Variants in COL17A1 observed in about 807,000 individuals in gnomAD.
COL17A1 encodes the protein collagen type XVII alpha 1 chain, also known as collagen alpha-1(XVII) chain.
Under a neutral mutation model 218.4 loss-of-function variants are expected in COL17A1, and 181 were observed. The ratio of observed to expected loss-of-function variants is 0.83; its 90% CI spans 0.73 to 0.94. The LOEUF (loss-of-function observed/expected upper bound fraction) is 0.94, where lower values mean the gene tolerates loss of function less well. Ranked by LOEUF, COL17A1 falls within the 40% of genes least tolerant of loss-of-function variation. The pLI is 0.00. For synonymous variants in COL17A1, 721 were observed against 731.0 expected, an observed-to-expected ratio of 0.99 and a Z score of 0.22; for missense variants, 1,924 against 1,945.9, an observed-to-expected ratio of 0.99 and a Z score of 0.21.
intron 45 of COL17A1, 147 bp from the exon 46 acceptor site, chr10:104,037,920 T>G: frequency 1.1e-6 from 1 of 889,686 alleles, no homozygotes; most frequent in Non-Finnish European, 1.6e-6. Flanking sequence ...AGACTTCCCC[T>G]CACTGTCCTT....
intron 47 of COL17A1, 79 bp from the exon 48 acceptor site, chr10:104,036,711 C>A: frequency 1.3e-6 from 2 of 1,551,696 alleles, no homozygotes; most frequent in East Asian, 2.3e-5. Context: ...AGCCTGGGCT[C>A]CCCTGCACAA....
At chr10:104,072,223 G>A (rs1417125900) in intron 7 of COL17A1, 144 bp from the exon 8 acceptor site, 2 of 1,266,120 alleles carry the variant, frequency 1.6e-6, no homozygotes, top group East Asian at 2.5e-5. Flanking sequence ...GTGTGCCCAA[G>A]AAGAGTGCTG....
At chr10:104,041,586 C>T (rs1194565572) in intron 36 of COL17A1, 48 bp from the exon 37 acceptor site, 1 of 1,516,898 alleles carries the variant, frequency 6.6e-7, no homozygotes, top group South Asian at 1.1e-5. Flanking sequence ...CACGAGGCTG[C>T]TCTCTGCCAC....
rs2086579828 is a variant in COL17A1, at chr10:104,061,249, T to C, written c.979+156A>G. The stretch of plus-strand genomic sequence containing the variant: ...CTCATGGAAACATCCAAGAGGCCTT[T>C]GGGGCAAGTTGCGTTTGCAGGCCTA... On this transcript the variant is annotated intron_variant, in intron 13 of 55. Coordinates refer to ENST00000648076, the MANE Select transcript of COL17A1 (RefSeq NM_000494.4). Among the ~76,000 whole-genome samples, 3 of 152,162 alleles carry C rather than the reference T, an allele frequency of 2.0e-5. No individual in the cohort carries two copies. The South Asian group carries it at 6.2e-4, about 31-fold the overall frequency.
In COL17A1 at chr10:104,038,471, C is replaced by T. The variant is rs145035375; in HGVS notation, c.3005G>A (p.Gly1002Glu). Reference protein sequence around the residue: ...SGPPGPPGPPGPPGSISSSGQ... With the variant: ...SGPPGPPGPPEPPGSISSSGQ... ...AGAGCTGCTGATAGAGCCCGGAGGC[C>T]CAGGGGGCCCAGGGGGCCCTGGCGG... is the stretch of plus-strand genomic sequence containing the variant. Residue 1002 changes from glycine (G) to glutamate (E), a missense_variant, in exon 45 of 56, where the codon GGG (glycine) becomes GAG (glutamate). Coordinates refer to ENST00000648076, the MANE Select transcript of COL17A1 (RefSeq NM_000494.4). The T allele has an allele frequency of 1.3e-5, 21 of 1,612,952 alleles. No individual in the cohort carries two copies. The highest frequency in any genetic ancestry group is 1.6e-5 in the Non-Finnish European group (19 of 1,179,514).
intron 48 of COL17A1, 60 bp downstream of exon 48, chr10:104,036,432 G>A (rs1589556902): frequency 2.5e-6 from 4 of 1,609,120 alleles, no homozygotes; most frequent in East Asian, 2.2e-5. Context: ...AGTTCACGCT[G>A]CGAGTCCTCA....
At chr10:104,081,054 T>G (rs534521044) in intron 1 of COL17A1, among the ~76,000 whole-genome samples, 1 of 152,334 alleles carries the variant, frequency 6.6e-6, no homozygotes, top group Non-Finnish European at 1.5e-5. Flanking sequence ...TCTGTCAAGG[T>G]ACTTAGTGCT....
chr10:104,069,288 G>A (rs1343522768), intron 9 of COL17A1, among the ~76,000 whole-genome samples: 4 of 152,106 alleles, frequency 2.6e-5, no homozygotes, highest in Non-Finnish European at 5.9e-5. Flanking sequence ...CAGGAATGTG[G>A]TAAAAATAAT....
At chr10:104,070,284 T>C in intron 9 of COL17A1, 142 bp downstream of exon 9, 1 of 1,518,062 alleles carries the variant, frequency 6.6e-7, no homozygotes, top group African/African-American at 1.4e-5. Context: ...GGGAAAGCCC[T>C]GTGCTAGCTG....
chr10:104,084,461 C>T (rs7911229), intron 1 of COL17A1, among the ~76,000 whole-genome samples: 21,795 of 151,984 alleles, frequency 0.14, 1,848 homozygotes, highest in South Asian at 0.21. Context: ...AGGCATGCAC[C>T]GCCACACCCA....
intron 15 of COL17A1, chr10:104,059,281 T>C (rs1389024051): frequency 6.1e-6 from 2 of 328,198 alleles, no homozygotes; most frequent in Non-Finnish European, 1.2e-5. Flanking sequence ...AGAACGCAGA[T>C]ATTTGGGAAG....
rs951520592 is a variant in COL17A1, at chr10:104,050,877, C to T, written c.2063G>A (p.Arg688Gln). The change falls in exon 26 of 56, where the codon CGA (arginine) becomes CAA (glutamine). Residue 688 changes from arginine to glutamine, a missense_variant. Physicochemically the swap from Arg to Gln is conservative, Grantham distance 43. Coordinates refer to ENST00000648076, the MANE Select transcript of COL17A1 (RefSeq NM_000494.4). ...GACACCAGGAAGTCCTACTTCACCT[C>T]GGAGCCCTTGGAGACCTACAGGACC... ...PPGPVGLQGL[R>Q]GEVGLPGVKG... 28 of 1,614,076 alleles carry T rather than the reference C, an allele frequency of 1.7e-5. No individual in the cohort carries two copies. Among genetic ancestry groups the T allele is most frequent in the Admixed American group, 6.7e-5 (4 of 60,010 alleles).
In COL17A1 at chr10:104,040,380, G is replaced by C. The variant is rs747578479; in HGVS notation, c.2732C>G (p.Pro911Arg). ...GTCTCCCTTGGGACCTGGGGGGCCA[G>C]GTGGGCCTGGGGGGCCGGAGAGGAA... is the stretch of plus-strand genomic sequence containing the variant. ...ETFLSGPPGP[P>R]GPPGPKGDQG... Residue 911 changes from proline to arginine, a missense_variant, in exon 40 of 56, where the codon CCT becomes CGT. Physicochemically the swap from Pro to Arg is moderately radical, Grantham distance 103. Coordinates refer to ENST00000648076, the MANE Select transcript of COL17A1 (RefSeq NM_000494.4). 7.3e-5 allele frequency: 117 copies of C among 1,611,280 alleles called. No homozygotes were observed. Among genetic ancestry groups the C allele is most frequent in the Non-Finnish European group, 9.7e-5 (114 of 1,177,616 alleles).
At chr10:104,073,184 G>A (rs764992428) in intron 7 of COL17A1, 26 bp downstream of exon 7, 6 of 1,607,426 alleles carry the variant, frequency 3.7e-6, no homozygotes, top group Non-Finnish European at 5.1e-6. Flanking sequence ...TGAATGAATT[G>A]GACTGAACCC....
At chr10:104,050,815 C>T (rs2086461731) in intron 26 of COL17A1, 33 bp downstream of exon 26, 3 of 1,614,176 alleles carry the variant, frequency 1.9e-6, no homozygotes, top group Middle Eastern at 1.6e-4. Flanking sequence ...CCATCAGACC[C>T]TCACTGTCCC....
At position 104,076,415 on chromosome 10, in the gene COL17A1, C is replaced by T; in HGVS notation, c.217G>A (p.Gly73Ser). The stretch of plus-strand genomic sequence containing the variant: ...CTGTAACTAGAGGTGGAGGCATGGC[C>T]TCGTGTGCTTCCAGCTGCAAGAGGG... Reference protein sequence around the residue: ...GYINSTGSTRGHASTSSYRRA... With the variant: ...GYINSTGSTRSHASTSSYRRA... Residue 73 changes from glycine to serine, a missense_variant, in exon 5 of 56, where the codon GGC becomes AGC. Gly to Ser is a moderately conservative substitution (Grantham distance 56, BLOSUM62 0). Transcript: ENST00000648076. 1.2e-6 allele frequency: 2 copies of T among 1,614,130 alleles called. No individual in the cohort carries two copies. The highest frequency in any genetic ancestry group is 1.1e-5 in the South Asian group (1 of 91,082).
intron 35 of COL17A1, 86 bp from the exon 36 acceptor site, chr10:104,042,541 G>A: frequency 1.4e-6 from 2 of 1,398,158 alleles, no homozygotes; most frequent in South Asian, 2.3e-5. Context: ...CCCAAGGCAT[G>A]GAACAGAGAC....
chr10:104,066,963 C>T (rs911021773), intron 9 of COL17A1, among the ~76,000 whole-genome samples: 6 of 152,150 alleles, frequency 3.9e-5, no homozygotes, highest in African/African-American at 1.2e-4. Flanking sequence ...GGAAAATCTC[C>T]TCGGTGTAGC....
chr10:104,062,294 T>A lies in COL17A1; in HGVS notation c.874A>T (p.Thr292Ser). Residue 292 changes from threonine to serine, a missense_variant, in exon 12 of 56, where the codon ACC (threonine) becomes TCC (serine). By Grantham distance (58) the Thr-to-Ser change is moderately conservative (BLOSUM62 1). Coordinates refer to ENST00000648076, the MANE Select transcript of COL17A1 (RefSeq NM_000494.4). ...GTGGTGGTGCCATGGGACAGGGTGGTCAAGCTGGGGGCCAGATTGTTCTGC... is the reference window on the plus strand; with the variant it reads ...GTGGTGGTGCCATGGGACAGGGTGGACAAGCTGGGGGCCAGATTGTTCTGC... ...GMQNNLAPSL[T>S]TLSHGTTTTS... 2 of 1,614,144 alleles carry A rather than the reference T, an allele frequency of 1.2e-6. No homozygotes were observed. Among genetic ancestry groups the A allele is most frequent in the Non-Finnish European group, 8.5e-7 (1 of 1,180,024 alleles).
Sources: allele counts gnomAD v4.1 joint callset (sites outside exome capture counted in the v4.1 genomes callset), GRCh38; gene constraint gnomAD v4.1.1; transcripts MANE v1.5; gene names NCBI Gene and HGNC (gene_info 2026-07-23, HGNC 2026-07-21).